Variants in EYS observed in about 807,000 individuals in gnomAD.
The protein encoded by EYS is EGF-like photoreceptor maintenance factor.
EYS carries 250 observed loss-of-function variants against 282.1 expected under a neutral mutation model. The ratio of observed to expected loss-of-function variants is 0.89; its 90% CI spans 0.80 to 0.98. The LOEUF is 0.98. Ranked by LOEUF, EYS falls within the 50% of genes least tolerant of loss-of-function variation. EYS has a pLI of 0.00. For synonymous variants in EYS, 1,355 were observed against 1,282.9 expected, an observed-to-expected ratio of 1.06 and a Z score of -1.20; for missense variants, 4,016 against 3,709.0, an observed-to-expected ratio of 1.08 and a Z score of -2.15.
chr6:65,681,257 T>C (rs1768802712), intron 1 of EYS, among the ~76,000 whole-genome samples: 1 of 151,996 alleles, frequency 6.6e-6, no homozygotes, highest in Admixed American at 6.6e-5. Flanking sequence ...AGCCTTGGTC[T>C]ATCTGGCAAC....
At chr6:64,836,834 T>C (rs1385719831) in intron 19 of EYS, among the ~76,000 whole-genome samples, 1 of 151,670 alleles carries the variant, frequency 6.6e-6, no homozygotes, top group Non-Finnish European at 1.5e-5. Flanking sequence ...TTCTGTGAAA[T>C]TCCACTTTTG....
intron 36 of EYS, among the ~76,000 whole-genome samples, chr6:63,809,393 C>T (rs568679550): frequency 7.9e-5 from 12 of 152,210 alleles, no homozygotes; most frequent in Non-Finnish European, 1.2e-4. Flanking sequence ...GATCAGTCAT[C>T]ATCTAATCAG....
intron 35 of EYS, among the ~76,000 whole-genome samples, chr6:63,950,834 T>G (rs1414448347): frequency 6.6e-6 from 1 of 152,194 alleles, no homozygotes; most frequent in Admixed American, 6.5e-5. Context: ...CTCTCCCTTC[T>G]TTTAATTTCA....
At chr6:64,494,733 A>G (rs1362196520) in intron 26 of EYS, among the ~76,000 whole-genome samples, 1 of 151,664 alleles carries the variant, frequency 6.6e-6, no homozygotes, top group Non-Finnish European at 1.5e-5. Context: ...AAATTCTGGT[A>G]CCATTTTATA....
chr6:64,604,929 G>C (rs1308666058), intron 24 of EYS, among the ~76,000 whole-genome samples: 1 of 151,942 alleles, frequency 6.6e-6, no homozygotes, highest in South Asian at 2.1e-4. Flanking sequence ...TTGTTTTAGA[G>C]GCAAGGTCTC....
At chr6:65,326,296 T>G (rs1215027300) in intron 11 of EYS, among the ~76,000 whole-genome samples, 1 of 151,936 alleles carries the variant, frequency 6.6e-6, no homozygotes, top group African/African-American at 2.4e-5. Context: ...TAGAAAGCGA[T>G]AGATTTATTT....
intron 14 of EYS, among the ~76,000 whole-genome samples, chr6:64,961,318 T>C (rs950416862): frequency 6.6e-6 from 1 of 152,134 alleles, no homozygotes; most frequent in East Asian, 1.9e-4. Flanking sequence ...TTTTGGTCAG[T>C]GGTGTTGTAT....
chr6:65,047,100 T>G (rs569470209), intron 13 of EYS, among the ~76,000 whole-genome samples: 1 of 151,478 alleles, frequency 6.6e-6, no homozygotes, highest in South Asian at 2.1e-4. Context: ...TAAACCTCTT[T>G]TTTTTTTTTT....
chr6:64,406,976 T>C (rs1175510273), intron 28 of EYS, among the ~76,000 whole-genome samples: 1 of 152,158 alleles, frequency 6.6e-6, no homozygotes, highest in East Asian at 1.9e-4. Flanking sequence ...AATAAATCAT[T>C]CTACTATAAA....
At chr6:65,186,134 C>A (rs1476485182) in intron 12 of EYS, among the ~76,000 whole-genome samples, 1 of 151,636 alleles carries the variant, frequency 6.6e-6, no homozygotes, top group Non-Finnish European at 1.5e-5. Context: ...TATTAGCTAA[C>A]ATTTTCACTG....
chr6:64,478,676 A>C (rs1776349445), intron 26 of EYS, among the ~76,000 whole-genome samples: 1 of 151,018 alleles, frequency 6.6e-6, no homozygotes, highest in South Asian at 2.1e-4. Flanking sequence ...TAATACCCAT[A>C]ATAATCTTAT....
At chr6:64,991,826 T>C (rs1270891550) in intron 14 of EYS, among the ~76,000 whole-genome samples, 3 of 151,724 alleles carry the variant, frequency 2.0e-5, no homozygotes, top group Non-Finnish European at 4.4e-5. Flanking sequence ...ATCAGTTTTA[T>C]CATTTTCCAA....
At chr6:65,633,660 A>G (rs536565343) in intron 2 of EYS, among the ~76,000 whole-genome samples, 1 of 152,342 alleles carries the variant, frequency 6.6e-6, no homozygotes, top group African/African-American at 2.4e-5. Flanking sequence ...GTAGCTGCCT[A>G]GAATACATCT....
intron 22 of EYS, among the ~76,000 whole-genome samples, chr6:64,707,128 CACAT>C (rs781764168): frequency 9.5e-4 from 98 of 103,316 alleles, no homozygotes; most frequent in African/African-American, 1.3e-3. Flanking sequence ...CACACACACA[CACAT>C]ATATATATGT....
intron 2 of EYS, among the ~76,000 whole-genome samples, chr6:65,603,627 A>G (rs941211261): frequency 1.9e-4 from 29 of 152,138 alleles, no homozygotes; most frequent in African/African-American, 6.0e-4. Flanking sequence ...GAGGTCCTAC[A>G]TAAGTACTCT....
chr6:65,125,940 G>A (rs553593414), intron 12 of EYS, among the ~76,000 whole-genome samples: 1 of 152,186 alleles, frequency 6.6e-6, no homozygotes, highest in Admixed American at 6.5e-5. Flanking sequence ...GAACCAAACT[G>A]TGGGTAGGAA....
chr6:64,451,117 T>A (rs1775320011), intron 26 of EYS, among the ~76,000 whole-genome samples: 1 of 151,712 alleles, frequency 6.6e-6, no homozygotes, highest in African/African-American at 2.4e-5. Context: ...CTAGCAAGAC[T>A]AATAAGGAAG....
At chr6:65,688,085 T>G (rs1769097033) in intron 1 of EYS, among the ~76,000 whole-genome samples, 1 of 152,130 alleles carries the variant, frequency 6.6e-6, no homozygotes, top group Non-Finnish European at 1.5e-5. Context: ...AAAAATACTT[T>G]AAAGTTCATA....
intron 26 of EYS, among the ~76,000 whole-genome samples, chr6:64,532,912 A>T (rs2149794465): frequency 6.6e-6 from 1 of 152,294 alleles, no homozygotes; most frequent in African/African-American, 2.4e-5. Flanking sequence ...CAGTTGCTGG[A>T]ATCATCTTAT....
Sources: gnomAD v4.1 joint callset for allele counts (sites outside exome capture counted in the v4.1 genomes callset) on GRCh38, gnomAD v4.1.1 for gene constraint, MANE v1.5 for transcripts, NCBI Gene and HGNC (gene_info 2026-07-23, HGNC 2026-07-21) for gene names.